Variants in CLIC4 observed in about 807,000 individuals in gnomAD.
CLIC4 encodes chloride intracellular channel protein 4.
In CLIC4, 13 loss-of-function variants were observed where a neutral mutation model predicts 24.6. That is an observed-to-expected ratio of 0.53 (90% CI 0.34 to 0.84). The LOEUF (loss-of-function observed/expected upper bound fraction) is 0.84, where lower values mean the gene tolerates loss of function less well. CLIC4 is among the 40% of genes least tolerant of loss of function. The pLI, the probability that CLIC4 is intolerant of heterozygous loss-of-function variation, is 0.01. For synonymous variants in CLIC4, 104 were observed against 111.3 expected (o/e 0.93, Z 0.41); for missense variants, 227 against 301.7 (o/e 0.75, Z 1.83).
At chr1:24,810,061 C>T (rs1449650881) in intron 2 of CLIC4, among the ~76,000 whole-genome samples, 2 of 152,156 alleles carry the variant, frequency 1.3e-5, no homozygotes, top group Non-Finnish European at 2.9e-5. Flanking sequence ...ATTTTCTTTG[C>T]TGAAATGTTT....
chr1:24,820,002 A>C (rs1571260861), intron 3 of CLIC4, among the ~76,000 whole-genome samples: 1 of 135,948 alleles, frequency 7.4e-6, no homozygotes, highest in Non-Finnish European at 1.6e-5. Context: ...CAGCCTCCCA[A>C]AGTGCTGGGA....
chr1:24,841,010 C>G lies in CLIC4; in HGVS notation c.*73C>G. Reference sequence around the variant, plus strand: ...GCTTTTCCTAACAGGCTACTCCTTCCTGTAGAGCAGAAATTGTATTTTGCA... The same window carrying G: ...GCTTTTCCTAACAGGCTACTCCTTCGTGTAGAGCAGAAATTGTATTTTGCA... On this transcript the variant is annotated 3_prime_UTR_variant, in exon 6 of 6. Transcript: ENST00000374379. 7.8e-7 allele frequency: 1 copy of G among 1,289,430 alleles called. No individual in the cohort carries two copies. Among genetic ancestry groups the G allele is most frequent in the Non-Finnish European group, 1.1e-6 (1 of 937,430 alleles). 79.9% of individuals were successfully genotyped at this position (1,289,430 alleles called of 1,614,324 possible).
intron 3 of CLIC4, 88 bp downstream of exon 3, chr1:24,814,307 A>T: frequency 7.2e-7 from 1 of 1,394,822 alleles, no homozygotes; most frequent in Non-Finnish European, 9.9e-7. Flanking sequence ...TCGCAGCATT[A>T]ATTTGGAATG....
intron 2 of CLIC4, among the ~76,000 whole-genome samples, chr1:24,803,933 A>G (rs1050171886): frequency 3.9e-5 from 6 of 152,200 alleles, no homozygotes; most frequent in Admixed American, 3.9e-4. Flanking sequence ...GTAATAGTTT[A>G]AAATGTTACA....
chr1:24,757,559 G>A (rs72654683), intron 1 of CLIC4, among the ~76,000 whole-genome samples: 13,617 of 152,040 alleles, frequency 0.09, 771 homozygotes, highest in Non-Finnish European at 0.13. Context: ...GAGCAACATA[G>A]TGAGACCCTG....
chr1:24,760,269 G>T (rs1571230999), intron 1 of CLIC4, among the ~76,000 whole-genome samples: 1 of 152,054 alleles, frequency 6.6e-6, no homozygotes, highest in Middle Eastern at 3.2e-3. Context: ...GGGAGGCTGA[G>T]GCAGGAGAAT....
intron 4 of CLIC4, among the ~76,000 whole-genome samples, chr1:24,828,377 T>C (rs999441896): frequency 2.0e-5 from 3 of 152,158 alleles, no homozygotes; most frequent in African/African-American, 7.2e-5. Context: ...CTTTTTTTTT[T>C]CCTGACTAAT....
Position 24,748,306 on chromosome 1 carries a change from G to A in CLIC4, c.72+2681G>A, listed in dbSNP as rs1217753596. Among the ~76,000 whole-genome samples, 5 of 152,040 alleles carry A rather than the reference G, an allele frequency of 3.3e-5. No individual in the cohort carries two copies. The East Asian group carries it at 9.7e-4, about 29-fold the overall frequency. ...TCATCCTTCCTACCACTAGTTGTAAGCCTTTCTCATTGGGCTTGGTGGCAG... is the reference window on the plus strand; with the variant it reads ...TCATCCTTCCTACCACTAGTTGTAAACCTTTCTCATTGGGCTTGGTGGCAG... On this transcript the variant is annotated intron_variant, in intron 1 of 5. Transcript: ENST00000374379.
Position 24,820,089 on chromosome 1 carries a change from A to G in CLIC4, c.308+5870A>G, listed in dbSNP as rs1250232596. On this transcript the variant is annotated intron_variant, in intron 3 of 5. Coordinates refer to ENST00000374379, the MANE Select transcript of CLIC4 (RefSeq NM_013943.3). ...TATGTATATATATATGTATATATAT[A>G]TATATATAGACAGTATCTTGTACTG... Among the ~76,000 whole-genome samples, 5 of 96,160 alleles carry G rather than the reference A, an allele frequency of 5.2e-5. 1 individual carries two copies. In the Admixed American group the frequency reaches 6.0e-4, roughly 12 times the overall value. 63.1% of individuals were successfully genotyped at this position (96,160 alleles called of 152,430 possible). A position where few individuals can be genotyped will look rare whatever the true frequency, so the allele number is the denominator to read the frequency against.
intron 1 of CLIC4, 115 bp from the exon 2 acceptor site, chr1:24,797,627 C>A: frequency 1.6e-6 from 1 of 631,742 alleles, no homozygotes; most frequent in Admixed American, 3.4e-5. Flanking sequence ...ACTCTTCCTT[C>A]CACAATGTAA....
intron 4 of CLIC4, among the ~76,000 whole-genome samples, chr1:24,828,818 G>C (rs1639812643): frequency 6.6e-6 from 1 of 152,088 alleles, no homozygotes. Flanking sequence ...TCCTCAGAAT[G>C]CTGTAACCAA....
At chr1:24,767,912 C>T (rs535733586) in intron 1 of CLIC4, among the ~76,000 whole-genome samples, 1 of 151,858 alleles carries the variant, frequency 6.6e-6, no homozygotes. Context: ...GGCATGATCT[C>T]GGCTAACTAC....
chr1:24,797,305 G>A (rs1014649034), intron 1 of CLIC4, among the ~76,000 whole-genome samples: 2 of 151,638 alleles, frequency 1.3e-5, no homozygotes, highest in Non-Finnish European at 2.9e-5. Context: ...TGGGTGCAGT[G>A]GCTCATGCCT....
Position 24,809,201 on chromosome 1 carries a change from T to C in CLIC4, c.183-4893T>C, listed in dbSNP as rs150436683. 1.8e-4 allele frequency among the ~76,000 whole-genome samples: 28 copies of C among 152,326 alleles called. No homozygotes were observed. The East Asian group carries it at 2.5e-3, about 14-fold the overall frequency. On this transcript the variant is annotated intron_variant, in intron 2 of 5. Transcript: ENST00000374379. ...AGTTGATAGGAAATATGTCTTATTT[T>C]TCTTTGTTTAGGAAGCAAGATAGGC...
In CLIC4 at chr1:24,814,439, G is replaced by C. The variant is rs75404060; in HGVS notation, c.308+220G>C. Among the ~76,000 whole-genome samples, 83 of 152,274 alleles carry C rather than the reference G, an allele frequency of 5.5e-4. 1 individual carries two copies. The highest frequency in any genetic ancestry group is 1.9e-3 in the African/African-American group (78 of 41,538). The stretch of plus-strand genomic sequence containing the variant: ...ATTTGTCTAAGCTGTAGAATATGTG[G>C]TAGAAACAGATTTGGGATGTGTCTG... On this transcript the variant is annotated intron_variant, in intron 3 of 5. Transcript: ENST00000374379.
chr1:24,803,533 T>C (rs983504085), intron 2 of CLIC4, among the ~76,000 whole-genome samples: 7 of 152,206 alleles, frequency 4.6e-5, no homozygotes, highest in African/African-American at 1.7e-4. Flanking sequence ...CTCCCATTAC[T>C]TGCCTGCCAG....
At chr1:24,801,974 T>A (rs1639494886) in intron 2 of CLIC4, among the ~76,000 whole-genome samples, 1 of 152,200 alleles carries the variant, frequency 6.6e-6, no homozygotes, top group Non-Finnish European at 1.5e-5. Context: ...ATTACTGTTT[T>A]TTTTTTATAC....
At chr1:24,817,623 A>G (rs1639684714) in intron 3 of CLIC4, among the ~76,000 whole-genome samples, 1 of 152,230 alleles carries the variant, frequency 6.6e-6, no homozygotes, top group Admixed American at 6.5e-5. Flanking sequence ...TCACTGGAAT[A>G]GCACTATTAA....
At chr1:24,775,542 TTTC>T (rs1449455855) in intron 1 of CLIC4, among the ~76,000 whole-genome samples, 5 of 151,704 alleles carry the variant, frequency 3.3e-5, no homozygotes, top group Middle Eastern at 3.4e-3. Context: ...CTTTTCTTTC[TTTC>T]TTTTCTCTTT....
Sources: allele counts gnomAD v4.1 joint callset (sites outside exome capture counted in the v4.1 genomes callset), GRCh38; gene constraint gnomAD v4.1.1; transcripts MANE v1.5; gene names NCBI Gene and HGNC (gene_info 2026-07-23, HGNC 2026-07-21).